Variants in ZNF155 observed in about 807,000 individuals in gnomAD.
ZNF155 encodes the protein zinc finger protein 155, also known as KRAB A domain.
Under a neutral mutation model 11.9 loss-of-function variants are expected in ZNF155, and 15 were observed. That is an observed-to-expected ratio of 1.26 (90% CI 0.84 to 1.94). The LOEUF is 1.94. ZNF155 is among the 30% of genes most tolerant of loss of function. ZNF155 has a pLI of 0.00. For synonymous variants in ZNF155, 212 were observed against 219.9 expected (o/e 0.96, Z 0.32); for missense variants, 602 against 639.1 (o/e 0.94, Z 0.63).
intron 3 of ZNF155, 37 bp from the exon 4 acceptor site, chr19:43,991,805 G>A (rs760108049): frequency 6.2e-6 from 10 of 1,608,570 alleles, no homozygotes; most frequent in Middle Eastern, 1.7e-4. Flanking sequence ...TACCCAGAAT[G>A]TGTTGGGATT....
At position 43,997,174 on chromosome 19, in the gene ZNF155, T is replaced by C. The variant is rs1286276336; in HGVS notation, c.1317T>C (p.Thr439=). ...KCEECGKGYV[T]KFNLDLHQRV... is the part of the protein sequence containing the mutation. ...AGGAGTGTGGGAAGGGCTATGTTAC[T>C]AAGTTTAATCTTGACTTGCACCAGA... The change falls in exon 5 of 5, where the codon ACT becomes ACC. Residue 439 remains threonine, a synonymous_variant. Coordinates refer to ENST00000270014, the MANE Select transcript of ZNF155 (RefSeq NM_198089.3). 1 of 1,614,184 alleles carries C rather than the reference T, an allele frequency of 6.2e-7. No individual in the cohort carries two copies. Among genetic ancestry groups the C allele is most frequent in the Non-Finnish European group, 8.5e-7 (1 of 1,180,028 alleles).
chr19:43,990,258 T>C, intron 2 of ZNF155: 1 of 536,190 alleles, frequency 1.9e-6, no homozygotes, highest in Non-Finnish European at 3.2e-6. Flanking sequence ...ACATCATTAC[T>C]TAATGATGCT....
chr19:43,986,577 G>A (rs1304804941), intron 1 of ZNF155, among the ~76,000 whole-genome samples: 2 of 151,616 alleles, frequency 1.3e-5, no homozygotes, highest in Non-Finnish European at 2.9e-5. Flanking sequence ...AGCCTCCTGA[G>A]TAGCTGGGAC....
intron 2 of ZNF155, among the ~76,000 whole-genome samples, chr19:43,991,243 C>G (rs572017851): frequency 6.6e-6 from 1 of 152,088 alleles, no homozygotes; most frequent in Non-Finnish European, 1.5e-5. Flanking sequence ...CAAGATGTGT[C>G]GAACCTATAT....
rs1411020926 is a variant in ZNF155 at position 43,988,510 on chromosome 19, A to G, written c.-34A>G. Reference sequence around the variant, plus strand: ...CTCCTTCATTCAAACTGCATCACCCAGGAGTCTGCAAATTCCCCAAAGTAG... The same window carrying G: ...CTCCTTCATTCAAACTGCATCACCCGGGAGTCTGCAAATTCCCCAAAGTAG... On this transcript the variant is annotated 5_prime_UTR_variant, in exon 2 of 5. Transcript: ENST00000270014. 3.1e-6 allele frequency: 5 copies of G among 1,606,124 alleles called. No individual in the cohort carries two copies. Among genetic ancestry groups the G allele is most frequent in the Middle Eastern group, 3.3e-4 (2 of 6,036 alleles).
At chr19:43,987,120 T>G (rs1425298893) in intron 1 of ZNF155, among the ~76,000 whole-genome samples, 1 of 152,222 alleles carries the variant, frequency 6.6e-6, no homozygotes, top group East Asian at 1.9e-4. Flanking sequence ...GATATCTGTT[T>G]AAAAAACTAC....
chr19:43,992,065 T>C (rs562018326), intron 4 of ZNF155, 131 bp downstream of exon 4: 2 of 832,544 alleles, frequency 2.4e-6, no homozygotes, highest in African/African-American at 1.7e-5. Context: ...TGCCTTCCAG[T>C]TGGTGGCCCT....
In ZNF155 at chr19:43,997,494, A is replaced by G; in HGVS notation, c.*20A>G. Reference sequence around the variant, plus strand: ...ACATAATTGTTCATATTTATGGGGTACAACGTGCTATTTTAATGTGTGCAT... The same window carrying G: ...ACATAATTGTTCATATTTATGGGGTGCAACGTGCTATTTTAATGTGTGCAT... On this transcript the variant is annotated 3_prime_UTR_variant, in exon 5 of 5. Transcript: ENST00000270014. 1 of 1,555,856 alleles carries G rather than the reference A, an allele frequency of 6.4e-7. No homozygotes were observed.
At position 43,996,376 on chromosome 19, in the gene ZNF155, G is replaced by A. The variant is rs768988429; in HGVS notation, c.519G>A (p.Glu173=). The A allele has an allele frequency of 3.1e-6, 5 of 1,614,194 alleles. No individual in the cohort carries two copies. Among genetic ancestry groups the A allele is most frequent in the Admixed American group, 3.3e-5 (2 of 60,032 alleles). ...FDLPQQLYSE[E]KSYTCDECGK... ...TTCCTCAGCAGTTATACTCAGAAGA[G>A]AAGTCTTATACATGTGATGAGTGTG... The change falls in exon 5 of 5, where the codon GAG becomes GAA. Residue 173 remains glutamate (E), a synonymous_variant. Transcript: ENST00000270014.
Position 43,996,334 on chromosome 19 carries a change from T to C in ZNF155, c.477T>C (p.Asp159=). ...GGAAGTGTAAACAGTCCATCAGTGA[T>C]GTTCCCATCTTTGATCTTCCTCAGC... The part of the protein sequence containing the change: ...QGGKCKQSIS[D]VPIFDLPQQL... The change falls in exon 5 of 5, where the codon GAT becomes GAC. Residue 159 remains aspartate (D), a synonymous_variant. Coordinates refer to ENST00000270014, the MANE Select transcript of ZNF155 (RefSeq NM_198089.3). 6.2e-7 allele frequency: 1 copy of C among 1,614,230 alleles called. No homozygotes were observed. Among genetic ancestry groups the C allele is most frequent in the Non-Finnish European group, 8.5e-7 (1 of 1,180,028 alleles).
Position 43,986,447 on chromosome 19 carries a change from G to GTTTTTTTTTTTT in ZNF155, c.-85-2011_-85-2010insTTTTTTTTTTTT. Among the ~76,000 whole-genome samples, 2 of 142,182 alleles carry GTTTTTTTTTTTT rather than the reference G, an allele frequency of 1.4e-5. 1 individual carries two copies. The highest frequency in any genetic ancestry group is 5.4e-5 in the African/African-American group (2 of 37,110). 93.3% of individuals were successfully genotyped at this position (142,182 alleles called of 152,430 possible). A position where few individuals can be genotyped will look rare whatever the true frequency, so the allele number is the denominator to read the frequency against. On this transcript the variant is annotated intron_variant, in intron 1 of 4. Transcript: ENST00000270014. ...TGCTCATCCAATATTATTCCCATTT[G>GTTTTTTTTTTTT]TGTTTTTTTTTTTTTTTTTTTAGAC...
chr19:43,993,121 G>A (rs139051087), intron 4 of ZNF155, among the ~76,000 whole-genome samples: 30 of 152,190 alleles, frequency 2.0e-4, no homozygotes, highest in Middle Eastern at 3.4e-3. Flanking sequence ...TTCCTCCTTC[G>A]TACTAGAAGG....
In ZNF155 at chr19:43,997,690, A is replaced by C. The variant is rs1975957264; in HGVS notation, c.*216A>C. 2 of 492,122 alleles carry C rather than the reference A, an allele frequency of 4.1e-6. No homozygotes were observed. The highest frequency in any genetic ancestry group is 7.1e-6 in the Non-Finnish European group (2 of 282,172). The allele number at this position is 492,122 out of a possible 1,614,324, so 30.5% of individuals were successfully genotyped here. A position where few individuals can be genotyped will look rare whatever the true frequency, so the allele number is the denominator to read the frequency against. On this transcript the variant is annotated 3_prime_UTR_variant, in exon 5 of 5. Coordinates refer to ENST00000270014, the MANE Select transcript of ZNF155 (RefSeq NM_198089.3). ...GGTCAGTGTCTCATCCCCACATAACACAAAAAGCAGCCTGGGGAAGACAAT... is the reference window on the plus strand; with the variant it reads ...GGTCAGTGTCTCATCCCCACATAACCCAAAAAGCAGCCTGGGGAAGACAAT...
chr19:43,997,467 A>G lies in ZNF155; in HGVS notation c.1610A>G (p.Asp537Gly). 11 of 1,595,602 alleles carry G rather than the reference A, an allele frequency of 6.9e-6. No individual in the cohort carries two copies. Among genetic ancestry groups the G allele is most frequent in the Non-Finnish European group, 9.4e-6 (11 of 1,174,278 alleles). ...ATACTTTTATCATTATTTCTAAATG[A>G]CACATAATTGTTCATATTTATGGGG... The part of the protein sequence containing the change: ...LDILLSLFLN[D>G]T The change falls in exon 5 of 5, where the codon GAC becomes GGC. Residue 537 changes from aspartate (D) to glycine (G), a missense_variant. Physicochemically the swap from Asp to Gly is moderately conservative, Grantham distance 94. Transcript: ENST00000270014.
intron 2 of ZNF155, among the ~76,000 whole-genome samples, chr19:43,990,604 A>T (rs1303882865): frequency 6.6e-6 from 1 of 152,200 alleles, no homozygotes; most frequent in East Asian, 1.9e-4. Context: ...TCTGATCAGG[A>T]CACTGAAGGC....
chr19:43,991,545 T>A lies in ZNF155; in HGVS notation c.16-3T>A. ...TTGAAGTTATGTCTTCTTGATGTTG[T>A]AGGAGGCAGTGACCTTCAAGGATGT... On this transcript the variant is annotated splice_region_variant and splice_polypyrimidine_tract_variant and intron_variant, in intron 2 of 4. Coordinates refer to ENST00000270014, the MANE Select transcript of ZNF155 (RefSeq NM_198089.3). 1 of 1,614,078 alleles carries A rather than the reference T, an allele frequency of 6.2e-7. No individual in the cohort carries two copies. Among genetic ancestry groups the A allele is most frequent in the Non-Finnish European group, 8.5e-7 (1 of 1,179,984 alleles).
intron 1 of ZNF155, among the ~76,000 whole-genome samples, chr19:43,988,204 A>C (rs1367086900): frequency 1.3e-5 from 2 of 152,148 alleles, no homozygotes; most frequent in Non-Finnish European, 2.9e-5. Context: ...TCTATTCTGG[A>C]TGGTTCATAT....
chr19:43,993,280 AATTTTTTCTTG>A (rs1975726493), intron 4 of ZNF155, among the ~76,000 whole-genome samples: 1 of 152,166 alleles, frequency 6.6e-6, no homozygotes, highest in Admixed American at 6.5e-5. Flanking sequence ...GATTTTACAC[AATTTTTTCTTG>A]ATTTTTATAG....
At chr19:43,984,872 G>A (rs115255705) in intron 1 of ZNF155, among the ~76,000 whole-genome samples, 1,787 of 152,198 alleles carry the variant, frequency 0.012, 38 homozygotes, top group African/African-American at 0.041. Context: ...TTCACGAAGG[G>A]AGAGGAGCAT....
Sources: gnomAD v4.1 joint callset for allele counts (sites outside exome capture counted in the v4.1 genomes callset) on GRCh38, gnomAD v4.1.1 for gene constraint, MANE v1.5 for transcripts, NCBI Gene and HGNC (gene_info 2026-07-23, HGNC 2026-07-21) for gene names.